The following METTL24 variants were observed in gnomAD, a reference collection of about 807,000 sequenced individuals.
METTL24 encodes methyltransferase like 24.
A neutral mutation model predicts 32.7 loss-of-function variants in METTL24; 29 were observed. That is an observed-to-expected ratio of 0.89 (90% CI 0.66 to 1.21). The LOEUF is 1.21. Ranked by LOEUF, METTL24 falls within the 50% of genes most tolerant of loss-of-function variation. The pLI, the probability that METTL24 is intolerant of heterozygous loss-of-function variation, is 0.00. For synonymous variants in METTL24, 163 were observed against 179.5 expected (o/e 0.91, Z 0.73); for missense variants, 439 against 468.1 (o/e 0.94, Z 0.57).
At position 110,328,112 on chromosome 6, in the gene METTL24, G is replaced by A. The variant is rs180730778; in HGVS notation, c.319-5240C>T. Among the ~76,000 whole-genome samples, 33 of 152,354 alleles carry A rather than the reference G, an allele frequency of 2.2e-4. 1 individual carries two copies. The highest frequency in any genetic ancestry group is 1.5e-3 in the East Asian group (8 of 5,184). ...TGAGGTATTACAATGAGTTGCCACAGAGAAGCAGCTTTGTTCCTGAGCTCC... is the reference window on the plus strand; with the variant it reads ...TGAGGTATTACAATGAGTTGCCACAAAGAAGCAGCTTTGTTCCTGAGCTCC... On this transcript the variant is annotated intron_variant, in intron 1 of 4. Coordinates refer to ENST00000338882, the MANE Select transcript of METTL24 (RefSeq NM_001123364.3).
chr6:110,358,260 T>C lies in METTL24; in HGVS notation c.13A>G (p.Arg5Gly). 2.7e-6 allele frequency: 4 copies of C among 1,476,852 alleles called. No individual in the cohort carries two copies. Among genetic ancestry groups the C allele is most frequent in the Non-Finnish European group, 3.6e-6 (4 of 1,120,696 alleles). The allele number at this position is 1,476,852 out of a possible 1,614,324, so 91.5% of individuals were successfully genotyped here. A position where few individuals can be genotyped will look rare whatever the true frequency, so the allele number is the denominator to read the frequency against. ...ACGCCGCAGCCCCTCCCGGGCGGCC[T>C]CTCCCGGGCCATGGCGCTACACTCG... MARE[R>G]PPGRGCGVLR... The change falls in exon 1 of 5, where the codon AGG becomes GGG. Residue 5 changes from arginine to glycine, a missense_variant. Arg to Gly is a moderately radical substitution (Grantham distance 125, BLOSUM62 -2). Transcript: ENST00000338882.
At chr6:110,336,907 A>G (rs1209125623) in intron 1 of METTL24, among the ~76,000 whole-genome samples, 1 of 152,198 alleles carries the variant, frequency 6.6e-6, no homozygotes, top group African/African-American at 2.4e-5. Flanking sequence ...TCAACCCATC[A>G]ATCGCATTAT....
At chr6:110,339,245 G>A (rs1033071263) in intron 1 of METTL24, among the ~76,000 whole-genome samples, 2 of 152,114 alleles carry the variant, frequency 1.3e-5, no homozygotes, top group African/African-American at 4.8e-5. Context: ...GTGCACTCCT[G>A]CAGCTAACAG....
intron 1 of METTL24, among the ~76,000 whole-genome samples, chr6:110,356,442 C>G (rs1285611357): frequency 1.3e-5 from 2 of 150,076 alleles, no homozygotes; most frequent in Admixed American, 6.6e-5. Context: ...GACTCCGGCT[C>G]AAATAAAAAA....
chr6:110,271,140 G>T lies in METTL24; in HGVS notation c.787-24880C>A, dbSNP rs544959462. Among the ~76,000 whole-genome samples the T allele has an allele frequency of 3.3e-5, 5 of 152,046 alleles. No individual in the cohort carries two copies. In the East Asian group the frequency reaches 9.7e-4, roughly 29 times the overall value. The stretch of plus-strand genomic sequence containing the variant: ...CTCCCAAAGTGCTGGGATTACAGGC[G>T]TGAGCCACCGCGTCCAGCCATCTTG... On this transcript the variant is annotated intron_variant, in intron 4 of 4. Transcript: ENST00000338882.
chr6:110,260,779 TC>T (rs1425070276), intron 4 of METTL24, among the ~76,000 whole-genome samples: 8 of 152,216 alleles, frequency 5.3e-5, no homozygotes, highest in African/African-American at 1.9e-4. Context: ...CGGCAGAAAC[TC>T]TACAAGCCAG....
At chr6:110,309,192 C>T (rs914061664) in intron 3 of METTL24, among the ~76,000 whole-genome samples, 5 of 152,118 alleles carry the variant, frequency 3.3e-5, no homozygotes, top group African/African-American at 1.2e-4. Flanking sequence ...GTTTTTAACC[C>T]TCCCATTGAA....
chr6:110,342,834 T>A (rs1772386270), intron 1 of METTL24, among the ~76,000 whole-genome samples: 1 of 152,230 alleles, frequency 6.6e-6, no homozygotes, highest in African/African-American at 2.4e-5. Flanking sequence ...TTGCTTTTAC[T>A]TAGCATTAGG....
chr6:110,340,279 C>T (rs1772329008), intron 1 of METTL24, among the ~76,000 whole-genome samples: 1 of 152,100 alleles, frequency 6.6e-6, no homozygotes, highest in South Asian at 2.1e-4. Flanking sequence ...GGCTGTTGTC[C>T]AGGACAGTAG....
chr6:110,265,088 T>A (rs1770826779), intron 4 of METTL24, among the ~76,000 whole-genome samples: 1 of 150,024 alleles, frequency 6.7e-6, no homozygotes, highest in South Asian at 2.1e-4. Context: ...AACCTGCATG[T>A]TGTGCATATG....
chr6:110,347,378 T>C (rs901634846), intron 1 of METTL24, among the ~76,000 whole-genome samples: 1 of 152,206 alleles, frequency 6.6e-6, no homozygotes, highest in African/African-American at 2.4e-5. Flanking sequence ...CCTAGTACAG[T>C]AGGCCTCTCC....
rs1772744833 is a variant in METTL24, at chr6:110,358,335, C to G, written c.-63G>C. The stretch of plus-strand genomic sequence containing the variant: ...GGCAGCAGGGATGTAGCCCCACAGG[C>G]CGGAGCGGCCAACTGTGGGAACTCC... On this transcript the variant is annotated 5_prime_UTR_variant, in exon 1 of 5. Transcript: ENST00000338882. 1 of 1,247,860 alleles carries G rather than the reference C, an allele frequency of 8.0e-7. No individual in the cohort carries two copies. The highest frequency in any genetic ancestry group is 1.7e-5 in the South Asian group (1 of 58,836). The allele number at this position is 1,247,860 out of a possible 1,614,324, so 77.3% of individuals were successfully genotyped here. A position where few individuals can be genotyped will look rare whatever the true frequency, so the allele number is the denominator to read the frequency against.
chr6:110,257,603 T>G (rs941977143), intron 4 of METTL24, among the ~76,000 whole-genome samples: 1 of 152,082 alleles, frequency 6.6e-6, no homozygotes, highest in African/African-American at 2.4e-5. Context: ...AGTTTCTCAC[T>G]CAGTAGATCT....
intron 4 of METTL24, among the ~76,000 whole-genome samples, chr6:110,255,004 C>T (rs2114694128): frequency 6.6e-6 from 1 of 152,256 alleles, no homozygotes; most frequent in African/African-American, 2.4e-5. Flanking sequence ...TTTAAACACC[C>T]TAAATCAGTT....
intron 4 of METTL24, among the ~76,000 whole-genome samples, chr6:110,277,537 C>T (rs1771068476): frequency 6.6e-6 from 1 of 152,128 alleles, no homozygotes; most frequent in African/African-American, 2.4e-5. Context: ...TTGGAAATTG[C>T]TACCCCATAT....
intron 1 of METTL24, among the ~76,000 whole-genome samples, chr6:110,326,061 A>C (rs1463927162): frequency 6.6e-6 from 1 of 152,166 alleles, no homozygotes; most frequent in African/African-American, 2.4e-5. Flanking sequence ...GAGTTCTAGA[A>C]ACCAGAATTC....
At chr6:110,263,165 A>T (rs1009518077) in intron 4 of METTL24, among the ~76,000 whole-genome samples, 6 of 152,222 alleles carry the variant, frequency 3.9e-5, no homozygotes, top group Admixed American at 2.6e-4. Flanking sequence ...AATTAGGAAA[A>T]GGGGAAGTTA....
Position 110,346,504 on chromosome 6 carries a change from C to CTTTTT in METTL24, c.318+11446_318+11450dup, listed in dbSNP as rs3068847. 8.7e-3 allele frequency among the ~76,000 whole-genome samples: 1,162 copies of CTTTTT among 133,904 alleles called. 27 individuals are homozygous for CTTTTT. Among genetic ancestry groups the CTTTTT allele is most frequent in the African/African-American group, 0.031 (1,091 of 34,816 alleles). 87.8% of individuals were successfully genotyped at this position (133,904 alleles called of 152,430 possible). On this transcript the variant is annotated intron_variant, in intron 1 of 4. Coordinates refer to ENST00000338882, the MANE Select transcript of METTL24 (RefSeq NM_001123364.3). ...TCCCTATATTATTCTCTCTCTCTCTCTTTTTTTTTTTTTTTGAGATGGAGT... is the reference window on the plus strand; with the variant it reads ...TCCCTATATTATTCTCTCTCTCTCTCTTTTTTTTTTTTTTTTTTTTGAGATGGAGT...
intron 4 of METTL24, among the ~76,000 whole-genome samples, chr6:110,282,696 C>T (rs1771159333): frequency 6.6e-6 from 1 of 150,988 alleles, no homozygotes; most frequent in South Asian, 2.1e-4. Context: ...ATACCAAGAC[C>T]AGAGTAATTA....
Sources: allele counts gnomAD v4.1 joint callset (sites outside exome capture counted in the v4.1 genomes callset), GRCh38; gene constraint gnomAD v4.1.1; transcripts MANE v1.5; gene names NCBI Gene and HGNC (gene_info 2026-07-23, HGNC 2026-07-21).